OLFM3: variants seen among roughly 807,000 people sequenced by gnomAD.
OLFM3 encodes noelin-3.
OLFM3 carries 20 observed loss-of-function variants against 48.6 expected under a neutral mutation model. That is an observed-to-expected ratio of 0.41 (90% CI 0.29 to 0.60). The LOEUF is 0.60. Among genes scored for constraint, OLFM3 ranks in the 20% least tolerant of loss-of-function variants. The pLI is 0.28. For missense variants in OLFM3, 437 were observed against 544.3 expected (o/e 0.80, Z 1.96); for synonymous variants, 222 against 198.1 (o/e 1.12, Z -1.01).
intron 1 of OLFM3, among the ~76,000 whole-genome samples, chr1:101,958,271 T>C (rs1456568997): frequency 6.6e-6 from 1 of 152,132 alleles, no homozygotes; most frequent in Non-Finnish European, 1.5e-5. Context: ...TTAAAAATCT[T>C]TGCAATATTA....
intron 2 of OLFM3, among the ~76,000 whole-genome samples, chr1:101,833,383 G>C (rs1056469450): frequency 6.6e-5 from 10 of 152,160 alleles, no homozygotes; most frequent in African/African-American, 2.4e-4. Context: ...GTTATAACTA[G>C]GATTGTTTAG....
chr1:101,906,126 A>G (rs1361659853), intron 1 of OLFM3, among the ~76,000 whole-genome samples: 1 of 152,086 alleles, frequency 6.6e-6, no homozygotes, highest in Non-Finnish European at 1.5e-5. Context: ...CTTGACTAAT[A>G]AATCAATTCC....
chr1:101,978,787 TC>T (rs1661023574), intron 1 of OLFM3, among the ~76,000 whole-genome samples: 2 of 152,138 alleles, frequency 1.3e-5, no homozygotes, highest in African/African-American at 4.8e-5. Context: ...TATTATATCA[TC>T]CCATAGCAAG....
At chr1:101,990,621 C>G (rs559177766) in intron 1 of OLFM3, among the ~76,000 whole-genome samples, 1 of 152,082 alleles carries the variant, frequency 6.6e-6, no homozygotes, top group Non-Finnish European at 1.5e-5. Context: ...TGTTTTTACA[C>G]TGATTTGGAA....
intron 1 of OLFM3, among the ~76,000 whole-genome samples, chr1:101,880,018 C>T (rs188592686): frequency 1.7e-3 from 266 of 152,008 alleles, no homozygotes; most frequent in Middle Eastern, 0.01. Flanking sequence ...GAAAGCCCAT[C>T]TGTTTTTCTG....
chr1:101,882,330 TA>T (rs922272644), intron 1 of OLFM3, among the ~76,000 whole-genome samples: 21 of 99,940 alleles, frequency 2.1e-4, no homozygotes, highest in African/African-American at 5.8e-4. Flanking sequence ...TATATATATA[TA>T]ATATATATAT....
At chr1:101,899,903 A>G (rs1658335103) in intron 1 of OLFM3, among the ~76,000 whole-genome samples, 1 of 152,108 alleles carries the variant, frequency 6.6e-6, no homozygotes, top group South Asian at 2.1e-4. Context: ...TCTTTGTTCT[A>G]ATGTTAGCTT....
chr1:101,961,389 A>G (rs571840726), intron 1 of OLFM3, among the ~76,000 whole-genome samples: 1 of 152,144 alleles, frequency 6.6e-6, no homozygotes, highest in East Asian at 1.9e-4. Flanking sequence ...CAAATTTTGC[A>G]TTTTATATTT....
At chr1:101,988,959 C>G (rs775123535) in intron 1 of OLFM3, among the ~76,000 whole-genome samples, 3 of 152,092 alleles carry the variant, frequency 2.0e-5, no homozygotes, top group African/African-American at 4.8e-5. Context: ...TCATGAACAA[C>G]TATTCTGCAT....
intron 1 of OLFM3, among the ~76,000 whole-genome samples, chr1:101,942,998 C>G (rs1226278656): frequency 1.3e-5 from 2 of 152,114 alleles, no homozygotes; most frequent in African/African-American, 4.8e-5. Context: ...GCATACAGGA[C>G]TAACAAAACT....
intron 1 of OLFM3, among the ~76,000 whole-genome samples, chr1:101,968,209 G>C (rs1660674488): frequency 6.6e-6 from 1 of 152,126 alleles, no homozygotes; most frequent in Non-Finnish European, 1.5e-5. Context: ...AATCCTATGA[G>C]TTCATAGCTT....
chr1:101,821,053 T>C (rs1391897117), intron 4 of OLFM3, among the ~76,000 whole-genome samples: 2 of 152,088 alleles, frequency 1.3e-5, no homozygotes, highest in Non-Finnish European at 1.5e-5. Flanking sequence ...ACTGAACCCC[T>C]GATATGCTTT....
chr1:101,808,918 G>T (rs1211358452), intron 4 of OLFM3, among the ~76,000 whole-genome samples: 2 of 151,600 alleles, frequency 1.3e-5, no homozygotes, highest in African/African-American at 4.8e-5. Context: ...CCTTCTAAGA[G>T]ATTTGTATAA....
At position 101,812,465 on chromosome 1, in the gene OLFM3, T is replaced by A. The variant is rs117254337; in HGVS notation, c.593-6283A>T. ...AAAGCAAGAAGACACAATTCTGGTA[T>A]TTGTCTCAAATGTCTGCATATTTCA... On this transcript the variant is annotated intron_variant, in intron 4 of 5. Coordinates refer to ENST00000370103, the MANE Select transcript of OLFM3 (RefSeq NM_058170.4). The A allele has an allele frequency of 3.9e-5, 38 of 985,362 alleles. No individual in the cohort carries two copies. The East Asian group carries it at 4.3e-3, about 112-fold the overall frequency. The allele number at this position is 985,362 out of a possible 1,614,324, so 61.0% of individuals were successfully genotyped here. A position where few individuals can be genotyped will look rare whatever the true frequency, so the allele number is the denominator to read the frequency against.
chr1:101,831,035 T>TA (rs1292087644), intron 2 of OLFM3, among the ~76,000 whole-genome samples: 2 of 152,208 alleles, frequency 1.3e-5, no homozygotes, highest in Non-Finnish European at 2.9e-5. Context: ...ACAGGAAATT[T>TA]AAAAACGGGC....
In OLFM3 at chr1:101,804,107, C is replaced by A; in HGVS notation, c.*131G>T. 1 of 703,210 alleles carries A rather than the reference C, an allele frequency of 1.4e-6. No individual in the cohort carries two copies. The highest frequency in any genetic ancestry group is 2.2e-6 in the Non-Finnish European group (1 of 457,782). 43.6% of individuals were successfully genotyped at this position (703,210 alleles called of 1,614,324 possible). ...AAGCTCAGCTATGTTTTTGAAACAC[C>A]AACTTTACAATAAAAATGCTTTGCT... is the stretch of plus-strand genomic sequence containing the variant. On this transcript the variant is annotated 3_prime_UTR_variant, in exon 6 of 6. Coordinates refer to ENST00000370103, the MANE Select transcript of OLFM3 (RefSeq NM_058170.4). The surrounding 1 kb of genome is among the most constrained non-coding windows in gnomAD (Gnocchi z 4.5).
intron 1 of OLFM3, among the ~76,000 whole-genome samples, chr1:101,884,747 G>C (rs1414582638): frequency 6.6e-5 from 10 of 151,968 alleles, no homozygotes; most frequent in Non-Finnish European, 4.4e-5. Context: ...TGGTTCCATT[G>C]ATGCTTTGTC....
chr1:101,979,571 G>A (rs113383555), intron 1 of OLFM3, among the ~76,000 whole-genome samples: 1,776 of 152,264 alleles, frequency 0.012, 31 homozygotes, highest in African/African-American at 0.041. Flanking sequence ...CACCATGACT[G>A]TAAGTTTCCT....
intron 4 of OLFM3, among the ~76,000 whole-genome samples, chr1:101,823,538 A>G (rs1654707520): frequency 6.6e-6 from 1 of 152,014 alleles, no homozygotes; most frequent in South Asian, 2.1e-4. Flanking sequence ...AAGTGGCAAA[A>G]GCTAAGCCTG....
Sources: allele counts gnomAD v4.1 joint callset (sites outside exome capture counted in the v4.1 genomes callset), GRCh38; gene constraint gnomAD v4.1.1; non-coding constraint Gnocchi (gnomAD v3.1); transcripts MANE v1.5; gene names NCBI Gene and HGNC (gene_info 2026-07-23, HGNC 2026-07-21).